BMPR2: variants seen among roughly 807,000 people sequenced by gnomAD.
The protein encoded by BMPR2 is bone morphogenetic protein receptor type-2.
In BMPR2, 29 loss-of-function variants were observed where a neutral mutation model predicts 100.8. That is an observed-to-expected ratio of 0.29 (90% CI 0.21 to 0.39). The LOEUF (loss-of-function observed/expected upper bound fraction) is 0.39, where lower values mean the gene tolerates loss of function less well. Ranked by LOEUF, BMPR2 falls within the 10% of genes least tolerant of loss-of-function variation. The pLI, the probability that BMPR2 is intolerant of heterozygous loss-of-function variation, is 1.00. For synonymous variants in BMPR2, 382 were observed against 442.3 expected, an observed-to-expected ratio of 0.86 and a Z score of 1.71; for missense variants, 1,011 against 1,274.5, an observed-to-expected ratio of 0.79 and a Z score of 3.15.
rs187036954 is a variant in BMPR2, at chr2:202,538,354, T to C, written c.1277-3957T>C. Among the ~76,000 whole-genome samples, 485 of 143,250 alleles carry C rather than the reference T, an allele frequency of 3.4e-3. 2 individuals carry two copies. Among genetic ancestry groups the C allele is most frequent in the African/African-American group, 0.012 (470 of 38,316 alleles). 94.0% of individuals were successfully genotyped at this position (143,250 alleles called of 152,430 possible). ...ACCTGTAATTCTAGCTACTTGGGAG[T>C]CTGAGGCAGGAGAACTGCTTGAACT... On this transcript the variant is annotated intron_variant, in intron 9 of 12. Coordinates refer to ENST00000374580, the MANE Select transcript of BMPR2 (RefSeq NM_001204.7).
At chr2:202,452,038 G>A (rs1446313576) in intron 1 of BMPR2, among the ~76,000 whole-genome samples, 4 of 152,098 alleles carry the variant, frequency 2.6e-5, no homozygotes, top group Non-Finnish European at 4.4e-5. Context: ...ACAGTCGTGA[G>A]CCACTGCGCC....
chr2:202,543,432 T>C (rs1688318151), intron 10 of BMPR2, among the ~76,000 whole-genome samples: 2 of 151,440 alleles, frequency 1.3e-5, no homozygotes, highest in East Asian at 3.8e-4. Context: ...CTGAAGTTTA[T>C]TTTTTTACTT....
chr2:202,406,890 T>C (rs1031542007), intron 1 of BMPR2, among the ~76,000 whole-genome samples: 1 of 152,176 alleles, frequency 6.6e-6, no homozygotes, highest in Non-Finnish European at 1.5e-5. Context: ...TGGGTTAGTA[T>C]ACCCGAGGAG....
At chr2:202,422,648 G>A (rs1402353544) in intron 1 of BMPR2, among the ~76,000 whole-genome samples, 1 of 151,730 alleles carries the variant, frequency 6.6e-6, no homozygotes, top group Admixed American at 6.6e-5. Context: ...CTGATCTTCA[G>A]TGAAGTTTGT....
chr2:202,433,482 G>C (rs1270393566), intron 1 of BMPR2, among the ~76,000 whole-genome samples: 2 of 150,612 alleles, frequency 1.3e-5, no homozygotes, highest in African/African-American at 5.0e-5. Flanking sequence ...TAAAATTGAA[G>C]CAAGAACAAA....
At chr2:202,436,932 T>C (rs1429647276) in intron 1 of BMPR2, among the ~76,000 whole-genome samples, 2 of 150,704 alleles carry the variant, frequency 1.3e-5, no homozygotes, top group African/African-American at 2.5e-5. Flanking sequence ...TTTTTTTCCT[T>C]ATTTCCATGC....
At chr2:202,520,008 T>C in intron 6 of BMPR2, 79 bp from the exon 7 acceptor site, 2 of 884,144 alleles carry the variant, frequency 2.3e-6, no homozygotes, top group Middle Eastern at 4.6e-4. Context: ...AAATTCTTTA[T>C]AAGGATGCTA....
intron 6 of BMPR2, 62 bp downstream of exon 6, chr2:202,519,114 C>A (rs528262446): frequency 3.3e-6 from 5 of 1,538,268 alleles, no homozygotes; most frequent in African/African-American, 1.4e-5. Flanking sequence ...GTAATCCCAG[C>A]ACTTTTGGAG....
At chr2:202,432,005 T>A in intron 1 of BMPR2, among the ~76,000 whole-genome samples, 1 of 150,784 alleles carries the variant, frequency 6.6e-6, no homozygotes. Flanking sequence ...TAAATATAGG[T>A]ACTTATATAT....
At chr2:202,398,926 C>T (rs974408383) in intron 1 of BMPR2, among the ~76,000 whole-genome samples, 1 of 152,012 alleles carries the variant, frequency 6.6e-6, no homozygotes, top group Non-Finnish European at 1.5e-5. Flanking sequence ...GTTGGGAGTT[C>T]GAGATCAGTG....
At position 202,394,351 on chromosome 2, in the gene BMPR2, CA is replaced by C. The variant is rs879886187; in HGVS notation, c.76+16813del. On this transcript the variant is annotated intron_variant, in intron 1 of 12. Transcript: ENST00000374580. ...AGGCAACAAGAGTGAAACAACGTCT[CA>C]AAAAAAAAAAAGTAATAATAATAAT... 7.5e-3 allele frequency among the ~76,000 whole-genome samples: 1,002 copies of C among 132,770 alleles called. 9 individuals carry two copies. The highest frequency in any genetic ancestry group is 9.4e-3 in the Non-Finnish European group (581 of 61,650). 87.1% of individuals were successfully genotyped at this position (132,770 alleles called of 152,430 possible). A position where few individuals can be genotyped will look rare whatever the true frequency, so the allele number is the denominator to read the frequency against.
At chr2:202,500,164 C>T (rs1687352772) in intron 3 of BMPR2, among the ~76,000 whole-genome samples, 1 of 152,146 alleles carries the variant, frequency 6.6e-6, no homozygotes, top group African/African-American at 2.4e-5. Flanking sequence ...CTATTGAGGG[C>T]CAGGAAATTG....
Position 202,520,079 on chromosome 2 carries a change from C to G in BMPR2, c.853-8C>G. ...TTTTTTTTTTTTCGCATTTTTTCCT[C>G]TATATAGGGATCTTTATGCAAGTAT... On this transcript the variant is annotated splice_polypyrimidine_tract_variant and splice_region_variant and intron_variant, in intron 6 of 12. Transcript: ENST00000374580. 6.5e-7 allele frequency: 1 copy of G among 1,541,936 alleles called. No homozygotes were observed. The highest frequency in any genetic ancestry group is 8.9e-7 in the Non-Finnish European group (1 of 1,129,244).
chr2:202,377,557 A>G lies in BMPR2; in HGVS notation c.76+7A>G. 1 of 1,613,898 alleles carries G rather than the reference A, an allele frequency of 6.2e-7. No homozygotes were observed. The highest frequency in any genetic ancestry group is 1.1e-5 in the South Asian group (1 of 91,074). Reference sequence around the variant, plus strand: ...CTGGTCAGCACTGCGGCTGGTGAGTAGCTCCGGCCGGCACGTCCCGGCCAC... The same window carrying G: ...CTGGTCAGCACTGCGGCTGGTGAGTGGCTCCGGCCGGCACGTCCCGGCCAC... On this transcript the variant is annotated splice_region_variant and intron_variant, in intron 1 of 12. Coordinates refer to ENST00000374580, the MANE Select transcript of BMPR2 (RefSeq NM_001204.7).
intron 7 of BMPR2, chr2:202,520,462 C>A: frequency 2.0e-6 from 1 of 505,146 alleles, no homozygotes. Flanking sequence ...GCTATCATGA[C>A]CCAGCAGAGA....
chr2:202,461,385 G>T (rs569652089), intron 1 of BMPR2, among the ~76,000 whole-genome samples: 1 of 152,116 alleles, frequency 6.6e-6, no homozygotes, highest in Non-Finnish European at 1.5e-5. Context: ...TTGGGAGGCT[G>T]AGGCAGGAGA....
chr2:202,376,910 T>C lies in BMPR2; in HGVS notation c.-565T>C. 1 of 434,718 alleles carries C rather than the reference T, an allele frequency of 2.3e-6. No individual in the cohort carries two copies. Among genetic ancestry groups the C allele is most frequent in the Non-Finnish European group, 4.0e-6 (1 of 248,368 alleles). 26.9% of individuals were successfully genotyped at this position (434,718 alleles called of 1,614,324 possible). ...TTTTTGATCCAGTCAAGGAAGAGGA[T>C]TTGTTGTTTTCGAAATCAGAGTGAA... On this transcript the variant is annotated 5_prime_UTR_variant, in exon 1 of 13. Coordinates refer to ENST00000374580, the MANE Select transcript of BMPR2 (RefSeq NM_001204.7).
At chr2:202,497,584 A>G (rs1031444737) in intron 3 of BMPR2, among the ~76,000 whole-genome samples, 1 of 152,194 alleles carries the variant, frequency 6.6e-6, no homozygotes, top group African/African-American at 2.4e-5. Context: ...GAGGAAAGCC[A>G]TGCAGCTCCG....
At chr2:202,510,348 C>T (rs918168485) in intron 3 of BMPR2, among the ~76,000 whole-genome samples, 1 of 152,080 alleles carries the variant, frequency 6.6e-6, no homozygotes, top group Non-Finnish European at 1.5e-5. Flanking sequence ...ACCCAGGTGG[C>T]GGAGGTTGCA....
Sources: gnomAD v4.1 joint callset for allele counts (sites outside exome capture counted in the v4.1 genomes callset) on GRCh38, gnomAD v4.1.1 for gene constraint, MANE v1.5 for transcripts, NCBI Gene and HGNC (gene_info 2026-07-23, HGNC 2026-07-21) for gene names.